CCT7: variants seen among roughly 807,000 people sequenced by gnomAD.
CCT7 encodes the protein chaperonin containing TCP1 subunit 7.
CCT7 carries 16 observed loss-of-function variants against 56.6 expected under a neutral mutation model. That is an observed-to-expected ratio of 0.28 (90% CI 0.19 to 0.43). The LOEUF is 0.43. CCT7 is among the 20% of genes least tolerant of loss of function. The probability of loss-of-function intolerance (pLI) is 1.00; values close to 1 mark genes in which losing one functional copy is unlikely to be tolerated. For missense variants in CCT7, 519 were observed against 685.6 expected (o/e 0.76, Z 2.71); for synonymous variants, 262 against 254.8 (o/e 1.03, Z -0.27).
At chr2:73,251,491 G>A in intron 11 of CCT7, 59 bp downstream of exon 11, 1 of 1,439,434 alleles carries the variant, frequency 6.9e-7, no homozygotes, top group South Asian at 1.2e-5. Context: ...GATTCTGAAT[G>A]TGAGCTGTGC....
intron 9 of CCT7, 76 bp downstream of exon 9, chr2:73,249,992 A>C (rs1687502505): frequency 9.8e-7 from 1 of 1,017,880 alleles, no homozygotes; most frequent in Non-Finnish European, 1.6e-6. Context: ...TGTGGTATAC[A>C]GCTTTTACAA....
At chr2:73,238,880 T>C (rs1178931680) in intron 1 of CCT7, among the ~76,000 whole-genome samples, 1 of 152,164 alleles carries the variant, frequency 6.6e-6, no homozygotes, top group Non-Finnish European at 1.5e-5. Flanking sequence ...TGTTTCTCAG[T>C]TTCTAAAGCA....
At chr2:73,235,830 C>T (rs1291172213) in intron 1 of CCT7, among the ~76,000 whole-genome samples, 1 of 152,198 alleles carries the variant, frequency 6.6e-6, no homozygotes, top group African/African-American at 2.4e-5. Flanking sequence ...GCCAGGGCTT[C>T]CGTAAGAGCT....
chr2:73,240,820 A>C (rs1313883171), intron 3 of CCT7, among the ~76,000 whole-genome samples: 2 of 151,900 alleles, frequency 1.3e-5, no homozygotes, highest in East Asian at 3.9e-4. Context: ...CATTTGTGTG[A>C]GTTGCTAGGT....
intron 3 of CCT7, 181 bp from the exon 4 acceptor site, chr2:73,242,823 A>T (rs1558564819): frequency 1.5e-6 from 1 of 663,986 alleles, no homozygotes; most frequent in South Asian, 1.9e-5. Flanking sequence ...GTTTGACATG[A>T]TGGATATGTA....
intron 4 of CCT7, 36 bp from the exon 5 acceptor site, chr2:73,243,961 A>G (rs1190022521): frequency 1.2e-5 from 19 of 1,604,736 alleles, no homozygotes; most frequent in Non-Finnish European, 1.5e-5. Flanking sequence ...GTTTGTCTTT[A>G]GCATGAGAGA....
At chr2:73,248,373 C>T (rs1216319193) in intron 7 of CCT7, among the ~76,000 whole-genome samples, 3 of 150,760 alleles carry the variant, frequency 2.0e-5, no homozygotes, top group Non-Finnish European at 2.9e-5. Context: ...TCCTTTAAGA[C>T]GGAGTCTCGC....
intron 4 of CCT7, 132 bp downstream of exon 4, chr2:73,243,261 A>T: frequency 1.1e-6 from 1 of 909,100 alleles, no homozygotes; most frequent in Non-Finnish European, 1.7e-6. Context: ...ACATCTCCTT[A>T]GTAATCTCAG....
intron 1 of CCT7, among the ~76,000 whole-genome samples, chr2:73,238,370 T>G (rs1686966308): frequency 6.6e-6 from 1 of 152,198 alleles, no homozygotes; most frequent in African/African-American, 2.4e-5. Flanking sequence ...CTTACTACCC[T>G]CCAGCTGCGC....
intron 9 of CCT7, 123 bp from the exon 10 acceptor site, chr2:73,250,183 G>C (rs1687514009): frequency 8.2e-7 from 1 of 1,224,564 alleles, no homozygotes; most frequent in Non-Finnish European, 1.2e-6. Flanking sequence ...GGTTGGGATT[G>C]GGTAACCTGA....
rs963173511 is a variant in CCT7, at chr2:73,239,917, C to T, written c.160+121C>T. The T allele has an allele frequency of 1.4e-5, 12 of 828,092 alleles. No individual in the cohort carries two copies. In the African/African-American group the frequency reaches 2.1e-4, roughly 14 times the overall value. The allele number at this position is 828,092 out of a possible 1,614,324, so 51.3% of individuals were successfully genotyped here. ...CTTTTAAGATCGTTGAAAGATGACT[C>T]ACTCTGAAGCAGTTCCAATTCTTAT... On this transcript the variant is annotated intron_variant, in intron 2 of 11. Coordinates refer to ENST00000258091, the MANE Select transcript of CCT7 (RefSeq NM_006429.4).
chr2:73,239,630 C>A lies in CCT7; in HGVS notation c.7-13C>A, dbSNP rs1396010194. 1.2e-6 allele frequency: 2 copies of A among 1,612,102 alleles called. No individual in the cohort carries two copies. Among genetic ancestry groups the A allele is most frequent in the African/African-American group, 1.3e-5 (1 of 74,846 alleles). On this transcript the variant is annotated splice_polypyrimidine_tract_variant and intron_variant, in intron 1 of 11. Transcript: ENST00000258091. ...GATGATTATTAAAAGCAGTTAATTT[C>A]TTTCTTTTCTAGCCCACACCAGTTA...
intron 4 of CCT7, 24 bp downstream of exon 4, chr2:73,243,153 C>G: frequency 6.2e-7 from 1 of 1,609,852 alleles, no homozygotes; most frequent in Non-Finnish European, 8.5e-7. Flanking sequence ...GATTAACCTT[C>G]TCTTGGGCCT....
chr2:73,238,271 A>G (rs562357646), intron 1 of CCT7, among the ~76,000 whole-genome samples: 12 of 152,294 alleles, frequency 7.9e-5, no homozygotes, highest in Admixed American at 2.0e-4. Context: ...TAGGAATGAA[A>G]TCTGAACTCC....
intron 4 of CCT7, chr2:73,243,742 C>A: frequency 2.2e-6 from 1 of 463,252 alleles, no homozygotes. Context: ...ACCTGCAGAC[C>A]CAGAGCAAAA....
At chr2:73,246,221 C>T (rs1687330688) in intron 6 of CCT7, among the ~76,000 whole-genome samples, 1 of 152,226 alleles carries the variant, frequency 6.6e-6, no homozygotes, top group Non-Finnish European at 1.5e-5. Flanking sequence ...CTCACCTCTC[C>T]TCTGAGCCTC....
intron 1 of CCT7, among the ~76,000 whole-genome samples, chr2:73,236,435 G>A (rs910262095): frequency 1.3e-4 from 20 of 151,998 alleles, no homozygotes; most frequent in African/African-American, 4.8e-4. Flanking sequence ...TCCATTCCCA[G>A]GTTCAAGCAA....
intron 11 of CCT7, among the ~76,000 whole-genome samples, chr2:73,251,718 T>C (rs1230012517): frequency 6.6e-6 from 1 of 152,136 alleles, no homozygotes; most frequent in Non-Finnish European, 1.5e-5. Flanking sequence ...GGTGGGCGGA[T>C]CATGAGGTCA....
intron 10 of CCT7, 99 bp downstream of exon 10, chr2:73,250,537 C>G: frequency 7.4e-7 from 1 of 1,354,678 alleles, no homozygotes; most frequent in Non-Finnish European, 1.0e-6. Flanking sequence ...CTCTATATAA[C>G]CTGCCCTTTC....
Sources: gnomAD v4.1 joint callset for allele counts (sites outside exome capture counted in the v4.1 genomes callset) on GRCh38, gnomAD v4.1.1 for gene constraint, MANE v1.5 for transcripts, NCBI Gene and HGNC (gene_info 2026-07-23, HGNC 2026-07-21) for gene names.